The following PCDHGB2 variants were observed in gnomAD, a reference collection of about 807,000 sequenced individuals.
The protein encoded by PCDHGB2 is protocadherin gamma subfamily B, 2, also known as protocadherin gamma-B2.
PCDHGB2 carries 55 observed loss-of-function variants against 59.3 expected under a neutral mutation model. The ratio of observed to expected loss-of-function variants is 0.93; its 90% confidence interval spans 0.75 to 1.16. The LOEUF (loss-of-function observed/expected upper bound fraction) is 1.16, where lower values mean the gene tolerates loss of function less well. PCDHGB2 is among the 50% of genes most tolerant of loss of function. The pLI, the probability that PCDHGB2 is intolerant of heterozygous loss-of-function variation, is 0.00. For missense variants in PCDHGB2, 1,228 were observed against 1,198.5 expected (o/e 1.02, Z -0.36); for synonymous variants, 516 against 512.0 (o/e 1.01, Z -0.11).
chr5:141,400,493 A>G, intron 1 of PCDHGB2: 2 of 1,614,014 alleles, frequency 1.2e-6, no homozygotes, highest in South Asian at 2.2e-5. Flanking sequence ...CCACTTTGTA[A>G]TTCCAGCGAG....
Position 141,485,227 on chromosome 5 carries a change from G to T in PCDHGB2, c.2422-9580G>T. Reference sequence around the variant, plus strand: ...AAATCTGGCGGTGGGCTACCCTTTTGTTCCTCTTTTACCACCTGGGTTACG... The same window carrying T: ...AAATCTGGCGGTGGGCTACCCTTTTTTTCCTCTTTTACCACCTGGGTTACG... On this transcript the variant is annotated intron_variant, in intron 1 of 3. Transcript: ENST00000522605. The surrounding 1 kb of genome is among the most constrained non-coding windows in gnomAD (Gnocchi z 5.7). The T allele has an allele frequency of 6.2e-7, 1 of 1,614,186 alleles. No individual in the cohort carries two copies. Among genetic ancestry groups the T allele is most frequent in the Non-Finnish European group, 8.5e-7 (1 of 1,180,020 alleles).
chr5:141,362,638 T>C, intron 1 of PCDHGB2, 82 bp downstream of exon 1: 5 of 1,469,888 alleles, frequency 3.4e-6, no homozygotes, highest in Non-Finnish European at 4.5e-6. Context: ...CGTATTTCTT[T>C]GTCTGTGAGT....
intron 1 of PCDHGB2, among the ~76,000 whole-genome samples, chr5:141,453,225 C>T (rs2098758997): frequency 6.6e-6 from 1 of 152,044 alleles, no homozygotes; most frequent in African/African-American, 2.4e-5. Context: ...GCGATCCTCC[C>T]ACCTCAGCCT....
Position 141,431,645 on chromosome 5 carries a change from T to C in PCDHGB2, c.2422-63162T>C. ...GGCGGCCCAAGTTTTCAAACTAGAT[T>C]GTAATTCAGGGACAATATCAACAAT... is the stretch of plus-strand genomic sequence containing the variant. On this transcript the variant is annotated intron_variant, in intron 1 of 3. Coordinates refer to ENST00000522605, the MANE Select transcript of PCDHGB2 (RefSeq NM_018923.3). This position sits in a 1 kb window ranked among gnomAD's most constrained non-coding sequence, Gnocchi z 4.8. 6.2e-7 allele frequency: 1 copy of C among 1,614,236 alleles called. No individual in the cohort carries two copies.
At chr5:141,375,947 C>A in intron 1 of PCDHGB2, 2 of 1,613,578 alleles carry the variant, frequency 1.2e-6, no homozygotes, top group Non-Finnish European at 8.5e-7. Context: ...AGTGGGCCTG[C>A]ACACGGGCGA....
At position 141,362,477 on chromosome 5, in the gene PCDHGB2, T is replaced by G; in HGVS notation, c.2342T>G (p.Val781Gly). Residue 781 changes from valine to glycine, a missense_variant, in exon 1 of 4, where the codon GTC becomes GGC. Val to Gly is a moderately radical substitution (Grantham distance 109). Around this residue, in one of 3 missense-constraint regions of PCDHGB2, gnomAD observed 433 missense variants for 441.8 expected, o/e 0.98. Transcript: ENST00000522605. Reference sequence around the variant, plus strand: ...GAATTGGTTCCCGCGCAAGATCTCGTCTGTGACAATGCCTCTTGGGAACAA... The same window carrying G: ...GAATTGGTTCCCGCGCAAGATCTCGGCTGTGACAATGCCTCTTGGGAACAA... Reference protein sequence around the residue: ...TPELVPAQDLVCDNASWEQNT... With the variant: ...TPELVPAQDLGCDNASWEQNT... The G allele has an allele frequency of 6.2e-7, 1 of 1,614,056 alleles. No homozygotes were observed. The highest frequency in any genetic ancestry group is 8.5e-7 in the Non-Finnish European group (1 of 1,179,900).
At chr5:141,505,983 C>G (rs1235662535) in intron 3 of PCDHGB2, among the ~76,000 whole-genome samples, 1 of 152,148 alleles carries the variant, frequency 6.6e-6, no homozygotes, top group Non-Finnish European at 1.5e-5. Context: ...GAGAGAACAC[C>G]TCCTCTTTAT....
chr5:141,396,720 C>T (rs1432240411), intron 1 of PCDHGB2: 1 of 151,964 alleles, frequency 6.6e-6, no homozygotes, highest in Non-Finnish European at 1.5e-5. Flanking sequence ...AAGCTAATAC[C>T]TGAATTGATT....
At chr5:141,384,991 G>A in intron 1 of PCDHGB2, 2 of 1,614,124 alleles carry the variant, frequency 1.2e-6, no homozygotes, top group Non-Finnish European at 1.7e-6. Context: ...GGTGGCGGTG[G>A]CCACAGTCTC....
At chr5:141,421,238 G>A (rs920128735) in intron 1 of PCDHGB2, 1 of 1,597,540 alleles carries the variant, frequency 6.3e-7, no homozygotes, top group African/African-American at 1.3e-5. Context: ...ATGGCGAATC[G>A]GCTACAGCGC....
At chr5:141,430,628 C>A in intron 1 of PCDHGB2, 2 of 798,952 alleles carry the variant, frequency 2.5e-6, no homozygotes, top group Non-Finnish European at 3.7e-6. Context: ...TAGGAATGAA[C>A]CATCCCTGGG....
chr5:141,394,756 A>G (rs757241753), intron 1 of PCDHGB2: 4 of 1,613,324 alleles, frequency 2.5e-6, no homozygotes, highest in East Asian at 4.5e-5. Flanking sequence ...GCCGTCCAGG[A>G]CCATGGCCAG....
chr5:141,461,667 G>C (rs1337688159), intron 1 of PCDHGB2, among the ~76,000 whole-genome samples: 4 of 151,994 alleles, frequency 2.6e-5, no homozygotes, highest in African/African-American at 9.7e-5. Context: ...TTTAAAGTTT[G>C]TTATTTTGTT....
chr5:141,400,267 T>C (rs749494967), intron 1 of PCDHGB2: 4 of 1,614,030 alleles, frequency 2.5e-6, no homozygotes, highest in Middle Eastern at 1.6e-4. Context: ...CCTGCGACGC[T>C]CCTCCAGCCC....
intron 1 of PCDHGB2, among the ~76,000 whole-genome samples, chr5:141,368,620 T>A (rs1220390721): frequency 1.3e-5 from 2 of 152,198 alleles, no homozygotes; most frequent in Non-Finnish European, 2.9e-5. Context: ...TTTGGGTACA[T>A]TTCTTCTGAG....
At chr5:141,430,680 C>T (rs990086941) in intron 1 of PCDHGB2, 1 of 1,343,242 alleles carries the variant, frequency 7.4e-7, no homozygotes, top group Non-Finnish European at 1.0e-6. Flanking sequence ...TCCCAACTGT[C>T]CCATTCTATG....
intron 1 of PCDHGB2, among the ~76,000 whole-genome samples, chr5:141,492,409 C>T (rs1367119266): frequency 6.6e-6 from 1 of 152,230 alleles, no homozygotes. Context: ...TCCCCTCTGC[C>T]GCTCCCTCCG....
At chr5:141,462,786 T>G (rs1394476968) in intron 1 of PCDHGB2, among the ~76,000 whole-genome samples, 1 of 152,216 alleles carries the variant, frequency 6.6e-6, no homozygotes, top group Admixed American at 6.5e-5. Flanking sequence ...AATTTGTTGC[T>G]TATTTGCATG....
chr5:141,511,391 C>G lies in PCDHGB2; in HGVS notation c.*218C>G. ...TGCAAAAGCAGTTCCGCTGGGAACC[C>G]CCATCCAATCAACTGCTGTACCCAT... is the stretch of plus-strand genomic sequence containing the variant. On this transcript the variant is annotated 3_prime_UTR_variant, in exon 4 of 4. Coordinates refer to ENST00000522605, the MANE Select transcript of PCDHGB2 (RefSeq NM_018923.3). 2.8e-6 allele frequency: 3 copies of G among 1,079,748 alleles called. No homozygotes were observed. The highest frequency in any genetic ancestry group is 3.3e-5 in the South Asian group (2 of 60,136). The allele number at this position is 1,079,748 out of a possible 1,614,324, so 66.9% of individuals were successfully genotyped here. A position where few individuals can be genotyped will look rare whatever the true frequency, so the allele number is the denominator to read the frequency against.
Sources: allele counts gnomAD v4.1 joint callset (sites outside exome capture counted in the v4.1 genomes callset), GRCh38; gene constraint gnomAD v4.1.1; regional missense constraint gnomAD v4.1.1; non-coding constraint Gnocchi (gnomAD v3.1); transcripts MANE v1.5; gene names NCBI Gene and HGNC (gene_info 2026-07-23, HGNC 2026-07-21).